The following TTC34 variants were observed in gnomAD, a reference collection of about 807,000 sequenced individuals.
The protein encoded by TTC34 is tetratricopeptide repeat domain 34, also known as tetratricopeptide repeat protein 34.
A neutral mutation model predicts 40.7 loss-of-function variants in TTC34; 44 were observed. That is an observed-to-expected ratio of 1.08 (90% CI 0.85 to 1.39). TTC34 has a LOEUF of 1.39. TTC34 is among the 40% of genes most tolerant of loss of function. TTC34 has a pLI of 0.00. For missense variants in TTC34, 884 were observed against 838.0 expected, an observed-to-expected ratio of 1.05 and a Z score of -0.68; for synonymous variants, 422 against 398.6, an observed-to-expected ratio of 1.06 and a Z score of -0.70.
At position 2,752,780 on chromosome 1, in the gene TTC34, A is replaced by G. The variant is rs1345045414; in HGVS notation, c.2226+30829T>C. Among the ~76,000 whole-genome samples the G allele has an allele frequency of 4.0e-3, 400 of 99,532 alleles. 17 individuals are homozygous for G. Among genetic ancestry groups the G allele is most frequent in the Admixed American group, 6.0e-3 (56 of 9,284 alleles). 65.3% of individuals were successfully genotyped at this position (99,532 alleles called of 152,430 possible). On this transcript the variant is annotated intron_variant, in intron 6 of 8. Transcript: ENST00000401095. Reference sequence around the variant, plus strand: ...CGTGGAACAGCACCCATACGCCCAGATAAGCATGTGACAGCCTGGAACAGC... The same window carrying G: ...CGTGGAACAGCACCCATACGCCCAGGTAAGCATGTGACAGCCTGGAACAGC...
chr1:2,779,129 A>G (rs1270703817), intron 6 of TTC34, among the ~76,000 whole-genome samples: 1 of 152,076 alleles, frequency 6.6e-6, no homozygotes, highest in Non-Finnish European at 1.5e-5. Flanking sequence ...ATAATTCCCC[A>G]TTGTATGGAT....
chr1:2,645,204 T>C lies in TTC34; in HGVS notation c.2497+89A>G. On this transcript the variant is annotated intron_variant, in intron 7 of 8. Transcript: ENST00000401095. The surrounding 1 kb of genome is among the most constrained non-coding windows in gnomAD (Gnocchi z 4.7). ...AGCTGTTGTGGTCCGGGTCTCTTTC[T>C]TCCATTTTTACAGAACAGGATACAG... The C allele has an allele frequency of 7.4e-7, 1 of 1,348,186 alleles. No homozygotes were observed. The highest frequency in any genetic ancestry group is 9.6e-7 in the Non-Finnish European group (1 of 1,046,354). The allele number at this position is 1,348,186 out of a possible 1,614,324, so 83.5% of individuals were successfully genotyped here.
rs1315468294 is a variant in TTC34, at chr1:2,694,838, G to A, written c.2227-49275C>T. On this transcript the variant is annotated intron_variant, in intron 6 of 8. Coordinates refer to ENST00000401095, the Ensembl canonical transcript of TTC34. ...CCTGGAACGACACCCACACCCCCAGGTGAGCATCTGATGGTCTGGAGCAGC... is the reference window on the plus strand; with the variant it reads ...CCTGGAACGACACCCACACCCCCAGATGAGCATCTGATGGTCTGGAGCAGC... Among the ~76,000 whole-genome samples, 127 of 91,944 alleles carry A rather than the reference G, an allele frequency of 1.4e-3. 33 individuals carry two copies. The highest frequency in any genetic ancestry group is 2.7e-3 in the Non-Finnish European group (104 of 38,666). The allele number at this position is 91,944 out of a possible 152,430, so 60.3% of individuals were successfully genotyped here.
chr1:2,697,635 A>AGCACCCATACCCG (rs1640928396), intron 6 of TTC34, among the ~76,000 whole-genome samples: 1 of 145,508 alleles, frequency 6.9e-6, no homozygotes, highest in South Asian at 2.2e-4. Flanking sequence ...AGCCTGGAGC[A>AGCACCCATACCCG]GCACCCATAC....
exon 9 of TTC34, chr1:2,641,447 A>C: frequency 6.5e-7 from 1 of 1,535,398 alleles, no homozygotes; most frequent in Non-Finnish European, 8.7e-7. Flanking sequence ...GTCGGGGTCC[A>C]CCAGGAGGCC....
At chr1:2,673,152 T>A (rs1639761886) in intron 6 of TTC34, among the ~76,000 whole-genome samples, 1 of 70,094 alleles carries the variant, frequency 1.4e-5, no homozygotes, top group East Asian at 3.3e-4. Context: ...CATGGCATCC[T>A]CACCCCCAGT....
chr1:2,776,407 C>G lies in TTC34; in HGVS notation c.2226+7202G>C, dbSNP rs1375400926. ...CAGCCTGGAACAGCAGCTCACATCC[C>G]CAGGTAAGATTCCAACAGCATGGAA... On this transcript the variant is annotated intron_variant, in intron 6 of 8. Coordinates refer to ENST00000401095, the Ensembl canonical transcript of TTC34. 1.5e-5 allele frequency: 2 copies of G among 136,214 alleles called. 1 individual carries two copies. The highest frequency in any genetic ancestry group is 6.5e-5 in the African/African-American group (2 of 30,586). 8.4% of individuals were successfully genotyped at this position (136,214 alleles called of 1,614,324 possible). A position where few individuals can be genotyped will look rare whatever the true frequency, so the allele number is the denominator to read the frequency against.
At chr1:2,688,534 C>T (rs1640478572) in intron 6 of TTC34, among the ~76,000 whole-genome samples, 1 of 144,688 alleles carries the variant, frequency 6.9e-6, no homozygotes, top group Non-Finnish European at 1.5e-5. Context: ...CCCACACCCA[C>T]AGGCGAGCAC....
intron 8 of TTC34, among the ~76,000 whole-genome samples, chr1:2,642,580 CAG>C (rs2100985781): frequency 6.6e-6 from 1 of 152,364 alleles, no homozygotes; most frequent in East Asian, 1.9e-4. Context: ...AGTTTTTTCA[CAG>C]AGTCAACCAC....
chr1:2,675,441 C>T (rs1570788358), intron 6 of TTC34, among the ~76,000 whole-genome samples: 2 of 109,840 alleles, frequency 1.8e-5, no homozygotes, highest in African/African-American at 6.2e-5. Context: ...AGCACCCACA[C>T]CCACAGGTGA....
chr1:2,637,740 A>T (rs1638820468), exon 9 of TTC34: 1 of 152,226 alleles, frequency 6.6e-6, no homozygotes, highest in Admixed American at 6.5e-5. Context: ...AACTCAGTTT[A>T]AGTCATAGAC....
chr1:2,641,603 T>C, exon 9 of TTC34: 1 of 1,534,050 alleles, frequency 6.5e-7, no homozygotes, highest in African/African-American at 1.4e-5. Flanking sequence ...CTTCAGGGCC[T>C]GGGCAAAGGC....
At chr1:2,685,488 A>G in intron 6 of TTC34, among the ~76,000 whole-genome samples, 1 of 128,840 alleles carries the variant, frequency 7.8e-6, no homozygotes, top group South Asian at 2.5e-4. Context: ...CCCCCAGGTG[A>G]GCATCTGACA....
At chr1:2,697,668 ATGGAATGGCATCCTCACCTCCAGGTG>A (rs1640930339) in intron 6 of TTC34, among the ~76,000 whole-genome samples, 3 of 59,396 alleles carry the variant, frequency 5.1e-5, no homozygotes, top group Admixed American at 2.3e-4. Flanking sequence ...ATCTGACCGC[ATGGAATGGCATCCTCACCTCCAGGTG>A]AGCATCCGAC....
At position 2,754,287 on chromosome 1, in the gene TTC34, A is replaced by T. The variant is rs1641424880; in HGVS notation, c.2226+29322T>A. ...AGGTGAGCCTCTGACAGCCTGGAAC[A>T]GCACGCACACCCCCAGGTGAGCATG... On this transcript the variant is annotated intron_variant, in intron 6 of 8. Transcript: ENST00000401095. Among the ~76,000 whole-genome samples, 2 of 51,378 alleles carry T rather than the reference A, an allele frequency of 3.9e-5. 1 individual carries two copies. The highest frequency in any genetic ancestry group is 6.5e-5 in the Non-Finnish European group (2 of 30,564). The allele number at this position is 51,378 out of a possible 152,430, so 33.7% of individuals were successfully genotyped here.
chr1:2,788,186 A>G (rs1482049870), intron 3 of TTC34, among the ~76,000 whole-genome samples: 1 of 152,244 alleles, frequency 6.6e-6, no homozygotes, highest in African/African-American at 2.4e-5. Context: ...GCCATCACAT[A>G]ATGAAAGTTT....
chr1:2,791,109 C>A (rs936350351), intron 2 of TTC34, among the ~76,000 whole-genome samples: 2 of 152,086 alleles, frequency 1.3e-5, no homozygotes, highest in African/African-American at 4.8e-5. Context: ...TCCCCACCCC[C>A]ACTCCCCCAG....
intron 6 of TTC34, among the ~76,000 whole-genome samples, chr1:2,756,959 A>T (rs1389045714): frequency 1.8e-3 from 128 of 73,076 alleles, no homozygotes; most frequent in East Asian, 5.0e-3. Context: ...CCAGGTGAGC[A>T]TCTGACAGAC....
At chr1:2,654,198 C>A (rs1480307551) in intron 6 of TTC34, among the ~76,000 whole-genome samples, 1 of 148,892 alleles carries the variant, frequency 6.7e-6, no homozygotes, top group Non-Finnish European at 1.5e-5. Flanking sequence ...CAGCCTGGAG[C>A]AGCACCCACA....
Sources: allele counts gnomAD v4.1 joint callset (sites outside exome capture counted in the v4.1 genomes callset), GRCh38; gene constraint gnomAD v4.1.1; non-coding constraint Gnocchi (gnomAD v3.1); transcripts MANE v1.5; gene names NCBI Gene and HGNC (gene_info 2026-07-23, HGNC 2026-07-21).